Variants in BCAN observed in about 807,000 individuals in gnomAD.
BCAN encodes the protein brevican core protein.
Under a neutral mutation model 92.4 loss-of-function variants are expected in BCAN, and 51 were observed. The observed-to-expected ratio is 0.55, with a 90% CI of 0.44 to 0.70. BCAN has a LOEUF of 0.70. Ranked by LOEUF, BCAN falls within the 30% of genes least tolerant of loss-of-function variation. The pLI, the probability that BCAN is intolerant of heterozygous loss-of-function variation, is 0.00. For missense variants in BCAN, 1,140 were observed against 1,212.1 expected (o/e 0.94, Z 0.88); for synonymous variants, 501 against 505.2 (o/e 0.99, Z 0.11).
rs939485904 is a variant in BCAN, at chr1:156,648,859, G to A, written c.1061G>A (p.Arg354Gln). The A allele has an allele frequency of 1.2e-5, 18 of 1,556,220 alleles. No individual in the cohort carries two copies. Among genetic ancestry groups the A allele is most frequent in the Admixed American group, 5.3e-5 (3 of 56,332 alleles). ...KHSRFNVYCF[R>Q]DSAQPSAIPE... The stretch of plus-strand genomic sequence containing the variant: ...AGCCGCTTCAACGTCTACTGCTTCC[G>A]AGGTGAGCCCACCTCCCTGCAGAAG... The change falls in exon 6 of 14, where the codon CGA becomes CAA. Residue 354 changes from arginine to glutamine, a missense_variant and splice_region_variant. By Grantham distance (43) the Arg-to-Gln change is conservative (BLOSUM62 1). Coordinates refer to ENST00000329117, the MANE Select transcript of BCAN (RefSeq NM_021948.5).
intron 8 of BCAN, chr1:156,653,143 G>A (rs1557990771): frequency 7.1e-7 from 1 of 1,400,050 alleles, no homozygotes; most frequent in Non-Finnish European, 9.2e-7. Context: ...ACCCTTCCCT[G>A]CCATTGGGCC....
intron 5 of BCAN, 97 bp downstream of exon 5, chr1:156,648,207 GA>G (rs1181152159): frequency 2.0e-5 from 29 of 1,479,958 alleles, no homozygotes; most frequent in Non-Finnish European, 2.6e-5. Flanking sequence ...TATCCCTCCT[GA>G]GTTTAAGGGG....
Position 156,658,132 on chromosome 1 carries a change from T to C in BCAN, c.2298T>C (p.Tyr766=), listed in dbSNP as rs1353459680. 6.2e-7 allele frequency: 1 copy of C among 1,612,546 alleles called. No homozygotes were observed. The change falls in exon 12 of 14, where the codon TAT becomes TAC. Residue 766 remains tyrosine, a synonymous_variant. Coordinates refer to ENST00000329117, the MANE Select transcript of BCAN (RefSeq NM_021948.5). The surrounding 1 kb of genome is among the most constrained non-coding windows in gnomAD (Gnocchi z 4.4). The part of the protein sequence containing the change: ...FLWSDGVPLL[Y]ENWNPGQPDS... ...CACCTCCTCCGTTCCCCCAGCTCTA[T>C]GAGAACTGGAACCCTGGGCAGCCTG... is the stretch of plus-strand genomic sequence containing the variant.
intron 1 of BCAN, among the ~76,000 whole-genome samples, chr1:156,645,179 C>CG (rs1004733764): frequency 4.6e-5 from 7 of 152,204 alleles, no homozygotes; most frequent in African/African-American, 9.6e-5. Context: ...TTCTCCCCCC[C>CG]CTTAGTCCAC....
chr1:156,652,963 C>G, intron 8 of BCAN, 71 bp downstream of exon 8: 1 of 1,587,814 alleles, frequency 6.3e-7, no homozygotes, highest in South Asian at 1.1e-5. Context: ...TCTGGGTCAC[C>G]TGACCTGTAG....
intron 10 of BCAN, chr1:156,657,413 A>C: frequency 1.9e-6 from 1 of 540,326 alleles, no homozygotes; most frequent in Non-Finnish European, 3.2e-6. Context: ...TCCAACTCCA[A>C]CTCCAATCTT....
At position 156,651,436 on chromosome 1, in the gene BCAN, A is replaced by G. The variant is rs1193909347; in HGVS notation, c.1064-20A>G. 5 of 1,603,300 alleles carry G rather than the reference A, an allele frequency of 3.1e-6. No individual in the cohort carries two copies. Among genetic ancestry groups the G allele is most frequent in the Non-Finnish European group, 3.4e-6 (4 of 1,172,134 alleles). ...GAGCTACCTATTCAGGCTCGCATCA[A>G]TACTTTCCTCCTGCCACAGACTCGG... On this transcript the variant is annotated intron_variant, in intron 6 of 13. Transcript: ENST00000329117.
chr1:156,652,552 G>C lies in BCAN; in HGVS notation c.1602G>C (p.Arg534Ser), dbSNP rs367672577. 3.7e-6 allele frequency: 6 copies of C among 1,613,820 alleles called. No homozygotes were observed. Among genetic ancestry groups the C allele is most frequent in the African/African-American group, 2.7e-5 (2 of 74,896 alleles). Reference protein sequence around the residue: ...DGESEASRPPRVHGPPTETLP... With the variant: ...DGESEASRPPSVHGPPTETLP... ...AGTCAGAAGCTTCCAGGCCTCCAAG[G>C]GTCCATGGACCACCTACTGAGACTC... Residue 534 changes from arginine (R) to serine (S), a missense_variant, in exon 8 of 14, where the codon AGG becomes AGC. Around this residue, in one of 3 missense-constraint regions of BCAN, gnomAD observed 825 missense variants for 871.8 expected, o/e 0.95. Coordinates refer to ENST00000329117, the MANE Select transcript of BCAN (RefSeq NM_021948.5).
At chr1:156,651,822 A>G (rs1026436540) in intron 7 of BCAN, 133 bp downstream of exon 7, 1 of 811,800 alleles carries the variant, frequency 1.2e-6, no homozygotes, top group African/African-American at 1.7e-5. Context: ...TCAGGGGTGC[A>G]GGGCACCTTT....
Position 156,659,125 on chromosome 1 carries a change from A to G in BCAN, c.2727A>G (p.Pro909=), listed in dbSNP as rs1219384763. 3.2e-6 allele frequency: 5 copies of G among 1,575,354 alleles called. No individual in the cohort carries two copies. The highest frequency in any genetic ancestry group is 4.3e-6 in the Non-Finnish European group (5 of 1,161,784). The change falls in exon 14 of 14, where the codon CCA becomes CCG. Residue 909 remains proline, a synonymous_variant. Coordinates refer to ENST00000329117, the MANE Select transcript of BCAN (RefSeq NM_021948.5). ...ALLIPPSSPM[P]GP Reference sequence around the variant, plus strand: ...TGATCCCCCCTTCCAGCCCCATGCCAGGTCCCTAGGGGGCAAGGCCTTGAA... The same window carrying G: ...TGATCCCCCCTTCCAGCCCCATGCCGGGTCCCTAGGGGGCAAGGCCTTGAA...
intron 1 of BCAN, among the ~76,000 whole-genome samples, chr1:156,645,508 A>G (rs772110401): frequency 2.6e-5 from 4 of 152,172 alleles, no homozygotes; most frequent in East Asian, 1.9e-4. Flanking sequence ...GGAAAAGGCC[A>G]GGTGAGTATG....
Position 156,656,933 on chromosome 1 carries a change from C to G in BCAN, c.2051-5C>G. On this transcript the variant is annotated splice_region_variant and splice_polypyrimidine_tract_variant and intron_variant, in intron 9 of 13. Transcript: ENST00000329117. The stretch of plus-strand genomic sequence containing the variant: ...CCCTAAGATGCCCGCCCTTATGTGC[C>G]GCAGGCCTCCGCTTCTGCAACCCCG... The G allele has an allele frequency of 6.2e-7, 1 of 1,612,836 alleles. No homozygotes were observed. The highest frequency in any genetic ancestry group is 8.5e-7 in the Non-Finnish European group (1 of 1,179,138).
Position 156,646,156 on chromosome 1 carries a change from C to G in BCAN, c.91+11C>G, listed in dbSNP as rs1307227159. 6.2e-7 allele frequency: 1 copy of G among 1,611,358 alleles called. No homozygotes were observed. The highest frequency in any genetic ancestry group is 8.5e-7 in the Non-Finnish European group (1 of 1,177,786). On this transcript the variant is annotated intron_variant, in intron 2 of 13. Transcript: ENST00000329117. Reference sequence around the variant, plus strand: ...AAGGAGACAGCTCAGGTAAGCAACCCCACTTGGGGTCACCGTCTCTGTCTT... The same window carrying G: ...AAGGAGACAGCTCAGGTAAGCAACCGCACTTGGGGTCACCGTCTCTGTCTT...
At chr1:156,645,966 C>T (rs1034530189) in intron 1 of BCAN, 81 bp from the exon 2 acceptor site, 2 of 1,228,130 alleles carry the variant, frequency 1.6e-6, no homozygotes, top group Non-Finnish European at 2.3e-6. Context: ...ATGTGTGAAC[C>T]CACATGGGTG....
At chr1:156,655,863 G>T (rs1679305910) in intron 8 of BCAN, among the ~76,000 whole-genome samples, 1 of 152,186 alleles carries the variant, frequency 6.6e-6, no homozygotes, top group South Asian at 2.1e-4. Context: ...AAGGGGGTGT[G>T]GCACTAAACT....
At chr1:156,652,976 C>A (rs759228691) in intron 8 of BCAN, 84 bp downstream of exon 8, 1 of 1,566,406 alleles carries the variant, frequency 6.4e-7, no homozygotes, top group Non-Finnish European at 8.7e-7. Flanking sequence ...ACCTGTAGTC[C>A]TTTAACCCAC....
chr1:156,655,894 T>C (rs1190591462), intron 8 of BCAN, among the ~76,000 whole-genome samples: 1 of 152,126 alleles, frequency 6.6e-6, no homozygotes, highest in East Asian at 1.9e-4. Flanking sequence ...AGAAGGAAAA[T>C]GACCTGCCCA....
chr1:156,656,258 G>C (rs369213649), intron 8 of BCAN, 24 bp from the exon 9 acceptor site: 2 of 1,449,878 alleles, frequency 1.4e-6, no homozygotes, highest in African/African-American at 1.5e-5. Flanking sequence ...CGCTCCCCCC[G>C]CCTCACTTCT....
intron 8 of BCAN, among the ~76,000 whole-genome samples, chr1:156,655,284 G>A (rs142747574): frequency 1.7e-3 from 260 of 152,372 alleles, no homozygotes; most frequent in African/African-American, 5.9e-3. Context: ...GAGAGAAAAA[G>A]TCCAGTAAAG....
Sources: gnomAD v4.1 joint callset for allele counts (sites outside exome capture counted in the v4.1 genomes callset) on GRCh38, gnomAD v4.1.1 for gene constraint, gnomAD v4.1.1 regional missense constraint, Gnocchi (gnomAD v3.1) non-coding constraint, MANE v1.5 for transcripts, NCBI Gene and HGNC (gene_info 2026-07-23, HGNC 2026-07-21) for gene names.